SND1: variants seen among roughly 807,000 people sequenced by gnomAD.
The protein encoded by SND1 is staphylococcal nuclease domain-containing protein 1.
A neutral mutation model predicts 121.7 loss-of-function variants in SND1; 38 were observed. The observed-to-expected ratio is 0.31, with a 90% CI of 0.24 to 0.41. The LOEUF (loss-of-function observed/expected upper bound fraction) is 0.41, where lower values mean the gene tolerates loss of function less well. Among genes scored for constraint, SND1 ranks in the 10% least tolerant of loss-of-function variants. The pLI is 1.00. For synonymous variants in SND1, 401 were observed against 447.4 expected (o/e 0.90, Z 1.31); for missense variants, 868 against 1,184.6 (o/e 0.73, Z 3.92).
At chr7:127,825,785 T>A (rs1053061967) in intron 11 of SND1, among the ~76,000 whole-genome samples, 1 of 152,248 alleles carries the variant, frequency 6.6e-6, no homozygotes, top group Non-Finnish European at 1.5e-5. Context: ...ATGTTTATTA[T>A]GCTAAGTTTG....
chr7:127,887,971 G>T lies in SND1; in HGVS notation c.1413G>T (p.Gln471His). The change falls in exon 13 of 24, where the codon CAG (glutamine) becomes CAT (histidine). Residue 471 changes from glutamine (Q) to histidine (H), a missense_variant. Coordinates refer to ENST00000354725, the MANE Select transcript of SND1 (RefSeq NM_014390.4). ...TCAGATACCGGCAGGATGATGACCA[G>T]AGATCATCACACTACGATGAACTGC... The part of the protein sequence containing the change: ...TVIRYRQDDD[Q>H]RSSHYDELLA... 1 of 1,612,284 alleles carries T rather than the reference G, an allele frequency of 6.2e-7. No individual in the cohort carries two copies. Among genetic ancestry groups the T allele is most frequent in the South Asian group, 1.1e-5 (1 of 91,044 alleles).
intron 8 of SND1, among the ~76,000 whole-genome samples, chr7:127,706,252 T>TCCCCCCCCC (rs796132526): frequency 8.7e-4 from 55 of 63,036 alleles, no homozygotes; most frequent in South Asian, 2.6e-3. Context: ...TTGCCCCCCC[T>TCCCCCCCCC]CCCCCCCCCC....
At chr7:127,863,013 A>G (rs1172792725) in intron 12 of SND1, among the ~76,000 whole-genome samples, 1 of 152,206 alleles carries the variant, frequency 6.6e-6, no homozygotes, top group Admixed American at 6.5e-5. Flanking sequence ...ATAATTTTTT[A>G]GTAGAAAGAC....
chr7:127,765,884 A>T lies in SND1; in HGVS notation c.1153-41600A>T, dbSNP rs189019595. On this transcript the variant is annotated intron_variant, in intron 10 of 23. Coordinates refer to ENST00000354725, the MANE Select transcript of SND1 (RefSeq NM_014390.4). ...CTTCTTTATAAGCATTTAGATGTTT[A>T]TGTGGCATTCACATTTTAATATTCC... Among the ~76,000 whole-genome samples the T allele has an allele frequency of 3.3e-5, 5 of 152,344 alleles. No individual in the cohort carries two copies. In the East Asian group the frequency reaches 9.6e-4, roughly 29 times the overall value.
At chr7:128,058,921 C>T (rs1171939348) in intron 16 of SND1, among the ~76,000 whole-genome samples, 1 of 152,066 alleles carries the variant, frequency 6.6e-6, no homozygotes, top group Non-Finnish European at 1.5e-5. Flanking sequence ...GTTCCCCTTG[C>T]CCATCCTTCA....
chr7:127,744,737 A>T (rs1796946974), intron 10 of SND1, among the ~76,000 whole-genome samples: 1 of 152,220 alleles, frequency 6.6e-6, no homozygotes, highest in Non-Finnish European at 1.5e-5. Flanking sequence ...CTAAATGCAG[A>T]AATACAGGTG....
intron 10 of SND1, among the ~76,000 whole-genome samples, chr7:127,796,045 G>T (rs1021701015): frequency 4.0e-5 from 6 of 151,850 alleles, no homozygotes; most frequent in African/African-American, 1.5e-4. Context: ...TTTTAGTGGA[G>T]ACGGGGTTTC....
At chr7:127,697,417 C>G (rs1796024321) in intron 3 of SND1, among the ~76,000 whole-genome samples, 1 of 152,202 alleles carries the variant, frequency 6.6e-6, no homozygotes, top group African/African-American at 2.4e-5. Context: ...ATCGGGTGTG[C>G]TGTTGATCAG....
chr7:127,976,293 GT>G (rs1802119068), intron 15 of SND1, among the ~76,000 whole-genome samples: 1 of 152,042 alleles, frequency 6.6e-6, no homozygotes, highest in South Asian at 2.1e-4. Context: ...TCCTTCTTTT[GT>G]GCGGAGCACA....
chr7:128,053,911 GT>G (rs1793091648), intron 16 of SND1, among the ~76,000 whole-genome samples: 1 of 152,156 alleles, frequency 6.6e-6, no homozygotes, highest in Non-Finnish European at 1.5e-5. Context: ...GAGTGCAGCA[GT>G]CAAAGCTTTA....
rs1430516207 is a variant in SND1, at chr7:127,953,208, GTGTGTGTGTGTGTA to G, written c.1669+23883_1669+23896del. ...TGTGTGTGTGTGTGTGTGTGTGTGT[GTGTGTGTGTGTGTA>G]TGTATGAAAAGAAGAAAGCATCTGT... On this transcript the variant is annotated intron_variant, in intron 15 of 23. Transcript: ENST00000354725. Among the ~76,000 whole-genome samples, 334 of 71,016 alleles carry G rather than the reference GTGTGTGTGTGTGTA, an allele frequency of 4.7e-3. 5 individuals carry two copies. Among genetic ancestry groups the G allele is most frequent in the African/African-American group, 7.1e-3 (129 of 18,082 alleles). The allele number at this position is 71,016 out of a possible 152,430, so 46.6% of individuals were successfully genotyped here.
intron 16 of SND1, among the ~76,000 whole-genome samples, chr7:128,010,978 C>T (rs1406177629): frequency 6.6e-6 from 1 of 152,102 alleles, no homozygotes; most frequent in African/African-American, 2.4e-5. Context: ...TACAATGATA[C>T]AGCCTCATCT....
intron 11 of SND1, among the ~76,000 whole-genome samples, chr7:127,840,333 G>A (rs970212200): frequency 2.0e-5 from 3 of 152,150 alleles, no homozygotes; most frequent in South Asian, 2.1e-4. Flanking sequence ...AAGATGTTAC[G>A]TGCCTCATTT....
intron 14 of SND1, among the ~76,000 whole-genome samples, chr7:127,918,055 C>CTTTTTTT (rs11375840): frequency 3.7e-4 from 53 of 142,228 alleles, no homozygotes; most frequent in Non-Finnish European, 4.6e-4. Flanking sequence ...TAGATTTTTT[C>CTTTTTTT]TTTTTTTTTT....
At chr7:127,904,846 T>C (rs770982874) in intron 14 of SND1, 27 bp downstream of exon 14, 3 of 1,444,462 alleles carry the variant, frequency 2.1e-6, no homozygotes, top group Non-Finnish European at 2.9e-6. Context: ...AATCAAGCTG[T>C]GTGGCTCAGA....
chr7:127,815,649 C>A (rs1017149652), intron 11 of SND1, among the ~76,000 whole-genome samples: 1 of 152,036 alleles, frequency 6.6e-6, no homozygotes, highest in South Asian at 2.1e-4. Flanking sequence ...CCAGGATGCA[C>A]CAGCTAGGAA....
intron 10 of SND1, among the ~76,000 whole-genome samples, chr7:127,724,032 T>TA (rs1486070369): frequency 1.3e-5 from 2 of 152,176 alleles, no homozygotes; most frequent in African/African-American, 4.8e-5. Flanking sequence ...TGGCTACCAT[T>TA]ATGGATAGCA....
At chr7:128,078,037 G>A (rs1793535200) in intron 17 of SND1, among the ~76,000 whole-genome samples, 1 of 152,252 alleles carries the variant, frequency 6.6e-6, no homozygotes, top group African/African-American at 2.4e-5. Context: ...AGGGGCTGAG[G>A]ATGGCTGTGG....
intron 16 of SND1, among the ~76,000 whole-genome samples, chr7:128,047,291 T>C (rs1401354572): frequency 1.3e-5 from 2 of 152,218 alleles, no homozygotes; most frequent in African/African-American, 4.8e-5. Context: ...TGAGTGCCTG[T>C]GGACTCAGGC....
Sources: allele counts gnomAD v4.1 joint callset (sites outside exome capture counted in the v4.1 genomes callset), GRCh38; gene constraint gnomAD v4.1.1; transcripts MANE v1.5; gene names NCBI Gene and HGNC (gene_info 2026-07-23, HGNC 2026-07-21).